PHF21A: variants seen among roughly 807,000 people sequenced by gnomAD.
PHF21A encodes PHD finger protein 21A.
A neutral mutation model predicts 82.5 loss-of-function variants in PHF21A; 11 were observed. The ratio of observed to expected loss-of-function variants is 0.13; its 90% CI spans 0.08 to 0.22. The LOEUF is 0.22. PHF21A is among the 10% of genes least tolerant of loss of function. The probability of loss-of-function intolerance (pLI) is 1.00; values close to 1 mark genes in which losing one functional copy is unlikely to be tolerated. For missense variants in PHF21A, 579 were observed against 837.8 expected, an observed-to-expected ratio of 0.69 and a Z score of 3.81; for synonymous variants, 297 against 302.8, an observed-to-expected ratio of 0.98 and a Z score of 0.20.
At chr11:45,956,633 T>A (rs910269103) in intron 10 of PHF21A, among the ~76,000 whole-genome samples, 1 of 152,150 alleles carries the variant, frequency 6.6e-6, no homozygotes, top group Non-Finnish European at 1.5e-5. Context: ...AACGTATGAA[T>A]GTTTACTGTA....
chr11:45,955,100 G>C (rs775149496), intron 10 of PHF21A, among the ~76,000 whole-genome samples: 24 of 152,176 alleles, frequency 1.6e-4, no homozygotes, highest in Non-Finnish European at 2.8e-4. Context: ...GTGTTCTCTC[G>C]TATTTCCCCC....
intron 6 of PHF21A, among the ~76,000 whole-genome samples, chr11:46,063,831 ATGAACCCACAT>A (rs11273905): frequency 0.75 from 114,378 of 151,820 alleles, 45,453 homozygotes; most frequent in Non-Finnish European, 0.9. Context: ...GTTTCATCTG[ATGAACCCACAT>A]CATAGGATAA....
At chr11:46,100,952 T>C (rs772821474) in intron 1 of PHF21A, among the ~76,000 whole-genome samples, 3 of 152,194 alleles carry the variant, frequency 2.0e-5, no homozygotes, top group Non-Finnish European at 2.9e-5. Context: ...AAACAAGCAT[T>C]CCTTAACCAA....
At chr11:46,035,158 G>A (rs770880517) in intron 6 of PHF21A, among the ~76,000 whole-genome samples, 1 of 152,120 alleles carries the variant, frequency 6.6e-6, no homozygotes, top group Non-Finnish European at 1.5e-5. Flanking sequence ...CAGCTAGTTT[G>A]AGCTGAATGT....
chr11:46,009,496 T>C (rs2095368490), intron 6 of PHF21A, among the ~76,000 whole-genome samples: 2 of 152,184 alleles, frequency 1.3e-5, no homozygotes, highest in Admixed American at 6.5e-5. Context: ...GTAACGATAA[T>C]AGCAGCTGCA....
chr11:46,075,651 T>A (rs1425582277), intron 6 of PHF21A, among the ~76,000 whole-genome samples: 5 of 152,194 alleles, frequency 3.3e-5, no homozygotes, highest in African/African-American at 7.2e-5. Flanking sequence ...GAAGACAAGA[T>A]GGGGACGCAT....
intron 6 of PHF21A, among the ~76,000 whole-genome samples, chr11:45,998,071 A>T (rs769186489): frequency 3.9e-5 from 6 of 152,192 alleles, no homozygotes; most frequent in Non-Finnish European, 5.9e-5. Flanking sequence ...TACATGTACC[A>T]CTGTGGAGAG....
At chr11:46,011,191 T>C (rs1358600592) in intron 6 of PHF21A, among the ~76,000 whole-genome samples, 3 of 152,036 alleles carry the variant, frequency 2.0e-5, no homozygotes, top group Non-Finnish European at 4.4e-5. Context: ...GTAGGGTGTA[T>C]AAAAGTGTTC....
intron 6 of PHF21A, among the ~76,000 whole-genome samples, chr11:46,071,137 T>C (rs968493060): frequency 6.6e-6 from 1 of 152,260 alleles, no homozygotes; most frequent in Non-Finnish European, 1.5e-5. Context: ...TTTGCAAGGC[T>C]TGGCCATGTG....
intron 1 of PHF21A, among the ~76,000 whole-genome samples, chr11:46,096,299 A>AC (rs1162499123): frequency 6.7e-6 from 1 of 149,952 alleles, no homozygotes; most frequent in South Asian, 2.1e-4. Flanking sequence ...AAAAAAAAAA[A>AC]CCCTCTTGAC....
intron 10 of PHF21A, among the ~76,000 whole-genome samples, chr11:45,964,058 A>T (rs2093279866): frequency 6.6e-6 from 1 of 151,800 alleles, no homozygotes; most frequent in African/African-American, 2.4e-5. Flanking sequence ...TTAGCCAGGC[A>T]TGGTGGCTGA....
At chr11:46,103,437 T>C (rs1027861496) in intron 1 of PHF21A, among the ~76,000 whole-genome samples, 4 of 152,208 alleles carry the variant, frequency 2.6e-5, no homozygotes, top group Admixed American at 2.6e-4. Flanking sequence ...ATTATAAAAT[T>C]GCTTAGTTTT....
chr11:45,976,499 C>G (rs145743770), intron 7 of PHF21A, among the ~76,000 whole-genome samples: 250 of 152,298 alleles, frequency 1.6e-3, no homozygotes, highest in African/African-American at 5.6e-3. Context: ...GCAGGGACCA[C>G]TGCTCTTTGT....
chr11:46,028,665 C>G (rs1258068104), intron 6 of PHF21A, among the ~76,000 whole-genome samples: 2 of 151,560 alleles, frequency 1.3e-5, no homozygotes, highest in Non-Finnish European at 2.9e-5. Context: ...CCTCCGCCTC[C>G]CAAGTTGAAG....
intron 1 of PHF21A, among the ~76,000 whole-genome samples, chr11:46,118,415 G>C (rs1341583434): frequency 7.8e-5 from 6 of 77,226 alleles, no homozygotes; most frequent in African/African-American, 2.4e-4. Flanking sequence ...AAAGTCTGAT[G>C]TTAAAAAAAA....
Position 46,084,160 on chromosome 11 carries a change from A to G in PHF21A, c.54+6T>C, listed in dbSNP as rs752906799. ...CAGTGTGGGAGAAGCCAATAATACA[A>G]CTTACCTGGTGAACCTGAATTTCCA... On this transcript the variant is annotated splice_donor_region_variant and intron_variant, in intron 4 of 18. Transcript: ENST00000676320. The G allele has an allele frequency of 6.3e-7, 1 of 1,595,362 alleles. No homozygotes were observed. Among genetic ancestry groups the G allele is most frequent in the South Asian group, 1.1e-5 (1 of 88,436 alleles).
At chr11:46,113,919 T>C (rs2097255586) in intron 1 of PHF21A, among the ~76,000 whole-genome samples, 2 of 151,884 alleles carry the variant, frequency 1.3e-5, no homozygotes, top group African/African-American at 4.8e-5. Context: ...TTGAAGAAAA[T>C]TCTCAGAAGC....
chr11:45,937,062 T>C (rs2089251664), intron 16 of PHF21A, among the ~76,000 whole-genome samples: 1 of 152,166 alleles, frequency 6.6e-6, no homozygotes. Flanking sequence ...TCAAAAATCG[T>C]CAGAAGGTCA....
chr11:45,935,426 A>G, intron 18 of PHF21A: 2 of 683,644 alleles, frequency 2.9e-6, no homozygotes, highest in Non-Finnish European at 4.9e-6. Context: ...GATGTTACAG[A>G]GCTTGGGTAA....
Sources: gnomAD v4.1 joint callset for allele counts (sites outside exome capture counted in the v4.1 genomes callset) on GRCh38, gnomAD v4.1.1 for gene constraint, MANE v1.5 for transcripts, NCBI Gene and HGNC (gene_info 2026-07-23, HGNC 2026-07-21) for gene names.